The following CREBBP variants were observed in gnomAD, a reference collection of about 807,000 sequenced individuals.
CREBBP encodes the protein CREB-binding protein.
In CREBBP, 19 loss-of-function variants were observed where a neutral mutation model predicts 265.0. The observed-to-expected ratio is 0.07, with a 90% CI of 0.05 to 0.11. The LOEUF (loss-of-function observed/expected upper bound fraction) is 0.11. Ranked by LOEUF, CREBBP falls within the 10% of genes least tolerant of loss-of-function variation. The probability of loss-of-function intolerance (pLI) is 1.00; values close to 1 mark genes in which losing one functional copy is unlikely to be tolerated. For synonymous variants in CREBBP, 1,457 were observed against 1,223.7 expected (o/e 1.19, Z -3.98); for missense variants, 2,525 against 3,219.0 (o/e 0.78, Z 5.22).
At chr16:3,877,725 G>C (rs1422061545) in intron 1 of CREBBP, among the ~76,000 whole-genome samples, 1 of 152,248 alleles carries the variant, frequency 6.6e-6, no homozygotes, top group Non-Finnish European at 1.5e-5. Flanking sequence ...TAATGTGCTT[G>C]ATAATGAGCC....
intron 5 of CREBBP, among the ~76,000 whole-genome samples, chr16:3,790,244 C>T (rs2053475338): frequency 6.6e-6 from 1 of 152,030 alleles, no homozygotes; most frequent in African/African-American, 2.4e-5. Context: ...TCCCAAATAT[C>T]TGGTTCTAGA....
chr16:3,828,842 A>T (rs1033570455), intron 2 of CREBBP, among the ~76,000 whole-genome samples: 6 of 152,210 alleles, frequency 3.9e-5, no homozygotes, highest in African/African-American at 1.4e-4. Flanking sequence ...TAAAAGACAT[A>T]TGGCACCCAC....
rs1361592516 is a variant in CREBBP, at chr16:3,760,931, C to A, written c.3251-1959G>T. 2.0e-5 allele frequency among the ~76,000 whole-genome samples: 3 copies of A among 152,210 alleles called. No homozygotes were observed. The East Asian group carries it at 5.8e-4, about 29-fold the overall frequency. ...AACATTATAGGTGTGAGCCACTGGG[C>A]CTGGTCTGTTTTTTGTATCTTGAAA... On this transcript the variant is annotated intron_variant, in intron 16 of 30. Transcript: ENST00000262367.
chr16:3,801,088 C>T (rs755868000), intron 3 of CREBBP, among the ~76,000 whole-genome samples: 6 of 152,144 alleles, frequency 3.9e-5, no homozygotes, highest in Non-Finnish European at 5.9e-5. Flanking sequence ...GGACTAGCCA[C>T]ACACGACAGG....
Position 3,727,863 on chromosome 16 carries a change from A to G in CREBBP, c.7184T>C (p.Ile2395Thr), listed in dbSNP as rs759047530. 25 of 1,613,852 alleles carry G rather than the reference A, an allele frequency of 1.5e-5. No homozygotes were observed. In the African/African-American group the frequency reaches 2.9e-4, roughly 19 times the overall value. Residue 2395 changes from isoleucine (I) to threonine (T), a missense_variant, in exon 31 of 31, where the codon ATA becomes ACA. Physicochemically the swap from Ile to Thr is moderately conservative, Grantham distance 89. Transcript: ENST00000262367. ...GGGGTTCCCCAAGTGTCCCTGATCTATGGAGCTGGCCATGGTGACTGCGAG... is the reference window on the plus strand; with the variant it reads ...GGGGTTCCCCAAGTGTCCCTGATCTGTGGAGCTGGCCATGGTGACTGCGAG... ...PGLAVTMASS[I>T]DQGHLGNPEQ...
chr16:3,801,228 T>C (rs1234953530), intron 3 of CREBBP, among the ~76,000 whole-genome samples: 1 of 152,196 alleles, frequency 6.6e-6, no homozygotes, highest in African/African-American at 2.4e-5. Flanking sequence ...CATTATAAAG[T>C]GTTCTAAGAG....
intron 5 of CREBBP, among the ~76,000 whole-genome samples, chr16:3,786,528 CA>C (rs2053391240): frequency 6.6e-6 from 1 of 152,164 alleles, no homozygotes; most frequent in Admixed American, 6.5e-5. Context: ...ATCAAATCTC[CA>C]AACTTTGTGA....
intron 11 of CREBBP, 105 bp from the exon 12 acceptor site, chr16:3,774,798 C>A (rs1354555765): frequency 1.4e-6 from 2 of 1,394,624 alleles, no homozygotes; most frequent in East Asian, 4.7e-5. Context: ...AACGCACAGG[C>A]AACAGAAAAC....
Position 3,731,170 on chromosome 16 carries a change from TG to T in CREBBP, c.5172+21del. ...TCAGACCCCAGGCCGGCTGTGGGGG[TG>T]GGGGTGGGGGCAGGGCCTACCTCGC... On this transcript the variant is annotated intron_variant, in intron 30 of 30. Coordinates refer to ENST00000262367, the MANE Select transcript of CREBBP (RefSeq NM_004380.3). The surrounding 1 kb of genome is among the most constrained non-coding windows in gnomAD (Gnocchi z 7.7). 2 of 1,587,310 alleles carry T rather than the reference TG, an allele frequency of 1.3e-6. No individual in the cohort carries two copies. Among genetic ancestry groups the T allele is most frequent in the Non-Finnish European group, 1.7e-6 (2 of 1,165,948 alleles).
At chr16:3,804,818 T>C (rs1375689166) in intron 3 of CREBBP, among the ~76,000 whole-genome samples, 5 of 152,192 alleles carry the variant, frequency 3.3e-5, no homozygotes, top group African/African-American at 1.2e-4. Context: ...TTTACATGAG[T>C]ATCTTTGAGA....
chr16:3,816,823 G>C (rs144966767), intron 2 of CREBBP, among the ~76,000 whole-genome samples: 1 of 152,152 alleles, frequency 6.6e-6, no homozygotes, highest in Non-Finnish European at 1.5e-5. Context: ...GGGATGCAGC[G>C]GAAGGACCCA....
intron 2 of CREBBP, among the ~76,000 whole-genome samples, chr16:3,821,723 T>G (rs1218575205): frequency 1.3e-5 from 2 of 151,958 alleles, no homozygotes; most frequent in African/African-American, 4.8e-5. Flanking sequence ...GTGAGAAAAA[T>G]TTTATTCTAT....
At chr16:3,759,916 A>C (rs2052673123) in intron 16 of CREBBP, among the ~76,000 whole-genome samples, 1 of 152,154 alleles carries the variant, frequency 6.6e-6, no homozygotes, top group African/African-American at 2.4e-5. Context: ...GTATGGGAAC[A>C]GGTGCCAGGG....
chr16:3,868,269 A>C lies in CREBBP; in HGVS notation c.85+11563T>G, dbSNP rs555596103. Among the ~76,000 whole-genome samples, 31 of 150,416 alleles carry C rather than the reference A, an allele frequency of 2.1e-4. 1 individual carries two copies. Among genetic ancestry groups the C allele is most frequent in the African/African-American group, 7.0e-4 (29 of 41,496 alleles). On this transcript the variant is annotated intron_variant, in intron 1 of 30. Coordinates refer to ENST00000262367, the MANE Select transcript of CREBBP (RefSeq NM_004380.3). Reference sequence around the variant, plus strand: ...TATCTACTCACAAGAACTTAAAAAAACTTTTAAAAGAAAATTGTTTGTACA... The same window carrying C: ...TATCTACTCACAAGAACTTAAAAAACCTTTTAAAAGAAAATTGTTTGTACA...
At chr16:3,812,056 G>A (rs1162592326) in intron 2 of CREBBP, among the ~76,000 whole-genome samples, 1 of 151,952 alleles carries the variant, frequency 6.6e-6, no homozygotes, top group Admixed American at 6.6e-5. Flanking sequence ...AGGAGGAGGT[G>A]GCAGGAAAAG....
At chr16:3,808,226 G>A (rs1399217364) in intron 3 of CREBBP, among the ~76,000 whole-genome samples, 1 of 152,170 alleles carries the variant, frequency 6.6e-6, no homozygotes, top group East Asian at 1.9e-4. Flanking sequence ...CAGATGTCTG[G>A]AAGACAAGCA....
chr16:3,778,660 A>G (rs748499362), intron 9 of CREBBP, 40 bp downstream of exon 9: 2 of 1,430,078 alleles, frequency 1.4e-6, no homozygotes, highest in South Asian at 2.3e-5. Context: ...TGTCTACTAC[A>G]GATGCTGTAG....
chr16:3,877,719 G>A (rs897869563), intron 1 of CREBBP, among the ~76,000 whole-genome samples: 4 of 152,212 alleles, frequency 2.6e-5, no homozygotes, highest in Non-Finnish European at 5.9e-5. Flanking sequence ...CTTGTTTAAT[G>A]TGCTTGATAA....
intron 21 of CREBBP, 31 bp from the exon 22 acceptor site, chr16:3,745,385 C>T (rs1378657958): frequency 4.4e-6 from 7 of 1,597,496 alleles, no homozygotes; most frequent in Admixed American, 1.7e-5. Flanking sequence ...ACTGTTAAAG[C>T]ACACGGAACC....
Sources: gnomAD v4.1 joint callset for allele counts (sites outside exome capture counted in the v4.1 genomes callset) on GRCh38, gnomAD v4.1.1 for gene constraint, Gnocchi (gnomAD v3.1) non-coding constraint, MANE v1.5 for transcripts, NCBI Gene and HGNC (gene_info 2026-07-23, HGNC 2026-07-21) for gene names.